Variants in FBXO10 observed in about 807,000 individuals in gnomAD.
The protein encoded by FBXO10 is F-box only protein 10.
In FBXO10, 39 loss-of-function variants were observed where a neutral mutation model predicts 80.7. The ratio of observed to expected loss-of-function variants is 0.48; its 90% CI spans 0.37 to 0.63. The LOEUF is 0.63. FBXO10 is among the 30% of genes least tolerant of loss of function. The pLI, the probability that FBXO10 is intolerant of heterozygous loss-of-function variation, is 0.00. For synonymous variants in FBXO10, 449 were observed against 489.6 expected (o/e 0.92, Z 1.09); for missense variants, 1,025 against 1,269.0 (o/e 0.81, Z 2.92).
At chr9:37,542,589 T>C (rs1588843912) in intron 1 of FBXO10, among the ~76,000 whole-genome samples, 2 of 88,992 alleles carry the variant, frequency 2.2e-5, no homozygotes, top group African/African-American at 4.7e-5. Context: ...AGAGCGAATC[T>C]CCATCTCAAA....
intron 3 of FBXO10, among the ~76,000 whole-genome samples, chr9:37,535,134 C>T (rs1041350333): frequency 8.5e-5 from 13 of 152,114 alleles, no homozygotes; most frequent in Admixed American, 7.2e-4. Context: ...CTGAAGCCTA[C>T]GGGACGCTGA....
chr9:37,521,838 G>C lies in FBXO10; in HGVS notation c.1931C>G (p.Ala644Gly), dbSNP rs1287594719. ...CATCCACACACCACAGCCCTTGTTA[G>C]CTGGGACAGTGAGAGGAGCTGGTCA... ...KGLIEGNTIY[A>G]NKGCGVWMMS... The change falls in exon 8 of 11, where the codon GCT (alanine) becomes GGT (glycine). Residue 644 changes from alanine (A) to glycine (G), a missense_variant and splice_region_variant. By Grantham distance (60) the Ala-to-Gly change is moderately conservative. Around this residue, in one of 3 missense-constraint regions of FBXO10, gnomAD observed 478 missense variants for 667.8 expected, o/e 0.72. Coordinates refer to ENST00000432825, the MANE Select transcript of FBXO10 (RefSeq NM_012166.3). 1.7e-5 allele frequency: 27 copies of C among 1,570,826 alleles called. No homozygotes were observed. Among genetic ancestry groups the C allele is most frequent in the Non-Finnish European group, 2.3e-5 (27 of 1,160,218 alleles).
At position 37,538,989 on chromosome 9, in the gene FBXO10, C is replaced by T. The variant is rs113221003; in HGVS notation, c.586-1046G>A. ...CATTTGGGCCCCTTGGCTCTGTGGG[C>T]CCAACTGAGAAGCAGTCTTGGTGAG... On this transcript the variant is annotated intron_variant, in intron 2 of 10. Coordinates refer to ENST00000432825, the MANE Select transcript of FBXO10 (RefSeq NM_012166.3). 9.9e-5 allele frequency among the ~76,000 whole-genome samples: 15 copies of T among 152,226 alleles called. 1 individual carries two copies. The highest frequency in any genetic ancestry group is 3.6e-4 in the African/African-American group (15 of 41,524).
intron 1 of FBXO10, among the ~76,000 whole-genome samples, chr9:37,546,574 C>T (rs1174106646): frequency 3.9e-5 from 6 of 152,238 alleles, no homozygotes; most frequent in Admixed American, 1.3e-4. Flanking sequence ...ATTAATAAAT[C>T]GGTATTAAGA....
chr9:37,512,266 A>G lies in FBXO10; in HGVS notation c.*281T>C. On this transcript the variant is annotated 3_prime_UTR_variant, in exon 11 of 11. Coordinates refer to ENST00000432825, the MANE Select transcript of FBXO10 (RefSeq NM_012166.3). ...TTAGAACTCAGAGAAAATCCTGACC[A>G]AAAGCTTCAGCATTTGAGCTTCCCC... 3.4e-6 allele frequency: 1 copy of G among 295,762 alleles called. No homozygotes were observed. Among genetic ancestry groups the G allele is most frequent in the African/African-American group, 2.1e-5 (1 of 46,628 alleles). 18.3% of individuals were successfully genotyped at this position (295,762 alleles called of 1,614,324 possible).
chr9:37,562,096 T>G (rs1822498197), intron 1 of FBXO10, among the ~76,000 whole-genome samples: 1 of 152,230 alleles, frequency 6.6e-6, no homozygotes, highest in African/African-American at 2.4e-5. Context: ...GGAAGGCTGC[T>G]GCTTTGTTCA....
At chr9:37,559,864 G>A (rs535708022) in intron 1 of FBXO10, among the ~76,000 whole-genome samples, 2 of 152,320 alleles carry the variant, frequency 1.3e-5, no homozygotes, top group African/African-American at 4.8e-5. Flanking sequence ...CAAACACCAT[G>A]CATGAAAAAT....
At chr9:37,546,783 C>A (rs1172692643) in intron 1 of FBXO10, among the ~76,000 whole-genome samples, 1 of 151,640 alleles carries the variant, frequency 6.6e-6, no homozygotes, top group East Asian at 1.9e-4. Context: ...CAGGTTCAAG[C>A]AATTCTCGTG....
At position 37,522,952 on chromosome 9, in the gene FBXO10, C is replaced by T. The variant is rs1410279697; in HGVS notation, c.1803G>A (p.Trp601Ter). Residue 601 changes from tryptophan (W) to a stop codon, truncating the protein, a stop_gained, in exon 7 of 11, where the codon TGG becomes TGA. Coordinates refer to ENST00000432825, the MANE Select transcript of FBXO10 (RefSeq NM_012166.3). LOFTEE classifies it high-confidence loss of function. ...CTCCACGGCGGATGTCCACACCTCCCCACTGATTCTCACGGATGACATTTT... is the reference window on the plus strand; with the variant it reads ...CTCCACGGCGGATGTCCACACCTCCTCACTGATTCTCACGGATGACATTTT... ...ITENVIRENQ[W>*]GGVDIRRGGI... The T allele has an allele frequency of 6.3e-7, 1 of 1,594,596 alleles. No individual in the cohort carries two copies. Among genetic ancestry groups the T allele is most frequent in the South Asian group, 1.1e-5 (1 of 87,080 alleles).
At chr9:37,515,760 G>A in intron 10 of FBXO10, 144 bp downstream of exon 10, 1 of 839,096 alleles carries the variant, frequency 1.2e-6, no homozygotes, top group Non-Finnish European at 1.9e-6. Flanking sequence ...ATAGAGCCAG[G>A]CACAGGCCTT....
At chr9:37,570,591 C>T (rs1298173959) in intron 1 of FBXO10, among the ~76,000 whole-genome samples, 2 of 151,932 alleles carry the variant, frequency 1.3e-5, no homozygotes, top group African/African-American at 4.8e-5. Flanking sequence ...AGCAGGTTCT[C>T]TGAAAAGAAC....
intron 8 of FBXO10, among the ~76,000 whole-genome samples, chr9:37,519,003 G>C (rs1266461963): frequency 6.6e-6 from 1 of 150,782 alleles, no homozygotes; most frequent in Non-Finnish European, 1.5e-5. Context: ...TCCGCCTCCC[G>C]GGTTCACACC....
intron 1 of FBXO10, among the ~76,000 whole-genome samples, chr9:37,544,151 T>A (rs1477264162): frequency 6.6e-6 from 1 of 152,166 alleles, no homozygotes; most frequent in Non-Finnish European, 1.5e-5. Context: ...CGCCTGTAGT[T>A]CCAGCAACTC....
intron 1 of FBXO10, among the ~76,000 whole-genome samples, chr9:37,556,705 G>A (rs149358594): frequency 0.025 from 3,827 of 151,862 alleles, 68 homozygotes; most frequent in Middle Eastern, 0.068. Context: ...CGCCACGCCC[G>A]GCTAATTTTT....
At chr9:37,532,777 A>G (rs1479088452) in intron 3 of FBXO10, among the ~76,000 whole-genome samples, 1 of 152,220 alleles carries the variant, frequency 6.6e-6, no homozygotes, top group African/African-American at 2.4e-5. Context: ...GTGGTCTTCA[A>G]ACTTTACATG....
chr9:37,565,052 G>C lies in FBXO10; in HGVS notation c.-7+11159C>G, dbSNP rs1317430553. 2.6e-5 allele frequency among the ~76,000 whole-genome samples: 4 copies of C among 152,092 alleles called. No homozygotes were observed. The East Asian group carries it at 7.7e-4, about 29-fold the overall frequency. Reference sequence around the variant, plus strand: ...ACCATGTAGAGGTAATTGGATCATGGGGCACGGTTTCCCCCATGCTGTTCT... The same window carrying C: ...ACCATGTAGAGGTAATTGGATCATGCGGCACGGTTTCCCCCATGCTGTTCT... On this transcript the variant is annotated intron_variant, in intron 1 of 10. Coordinates refer to ENST00000432825, the MANE Select transcript of FBXO10 (RefSeq NM_012166.3).
intron 1 of FBXO10, among the ~76,000 whole-genome samples, chr9:37,542,541 A>T (rs562103020): frequency 6.7e-6 from 1 of 148,174 alleles, no homozygotes; most frequent in South Asian, 2.2e-4. Flanking sequence ...GATTGCAGTG[A>T]GCCCAGATCG....
Position 37,541,500 on chromosome 9 carries a change from A to G in FBXO10, c.269T>C (p.Leu90Ser). 1.9e-6 allele frequency: 3 copies of G among 1,614,016 alleles called. No individual in the cohort carries two copies. Among genetic ancestry groups the G allele is most frequent in the Non-Finnish European group, 2.5e-6 (3 of 1,179,866 alleles). Residue 90 changes from leucine (L) to serine (S), a missense_variant, in exon 2 of 11, where the codon TTG becomes TCG. Around this residue, in one of 3 missense-constraint regions of FBXO10, gnomAD observed 450 missense variants for 499.4 expected, o/e 0.90. Coordinates refer to ENST00000432825, the MANE Select transcript of FBXO10 (RefSeq NM_012166.3). ...AAAGCAGATGGAAGACTCCAAGTCC[A>G]AGGCATTCTTGGTCCATGTCTTGGA... ...LASKTWTKNA[L>S]DLESSICFSL...
intron 4 of FBXO10, among the ~76,000 whole-genome samples, chr9:37,530,970 A>G (rs541670097): frequency 6.6e-6 from 1 of 152,262 alleles, no homozygotes; most frequent in South Asian, 2.1e-4. Flanking sequence ...GGCAGTTAAG[A>G]TATGATGGGT....
Sources: allele counts gnomAD v4.1 joint callset (sites outside exome capture counted in the v4.1 genomes callset), GRCh38; gene constraint gnomAD v4.1.1; regional missense constraint gnomAD v4.1.1; transcripts MANE v1.5; gene names NCBI Gene and HGNC (gene_info 2026-07-23, HGNC 2026-07-21).